The following CA8 variants were observed in gnomAD, a reference collection of about 807,000 sequenced individuals.
CA8 encodes carbonic anhydrase-related protein.
A neutral mutation model predicts 41.4 loss-of-function variants in CA8; 22 were observed. The ratio of observed to expected loss-of-function variants is 0.53; its 90% CI spans 0.38 to 0.76. The LOEUF (loss-of-function observed/expected upper bound fraction) is 0.76, where lower values mean the gene tolerates loss of function less well. Among genes scored for constraint, CA8 ranks in the 30% least tolerant of loss-of-function variants. The pLI is 0.00. For missense variants in CA8, 270 were observed against 352.8 expected, an observed-to-expected ratio of 0.77 and a Z score of 1.88; for synonymous variants, 121 against 130.6, an observed-to-expected ratio of 0.93 and a Z score of 0.50.
In CA8 at chr8:60,245,712, T is replaced by A. The variant is rs115938782; in HGVS notation, c.418-13333A>T. On this transcript the variant is annotated intron_variant, in intron 3 of 8. Coordinates refer to ENST00000317995, the MANE Select transcript of CA8 (RefSeq NM_004056.6). Reference sequence around the variant, plus strand: ...AATGTTGTAACAAGGTAAAGTATCATTTTCTTTGATTGAGGTGGAACTTGT... The same window carrying A: ...AATGTTGTAACAAGGTAAAGTATCAATTTCTTTGATTGAGGTGGAACTTGT... Among the ~76,000 whole-genome samples the A allele has an allele frequency of 3.2e-3, 494 of 152,302 alleles. 1 individual carries two copies. The highest frequency in any genetic ancestry group is 0.012 in the African/African-American group (484 of 41,548).
chr8:60,191,888 T>A (rs1032952333), intron 8 of CA8, among the ~76,000 whole-genome samples: 1 of 152,138 alleles, frequency 6.6e-6, no homozygotes, highest in Non-Finnish European at 1.5e-5. Flanking sequence ...GTGCAACAGA[T>A]GCACATACAT....
chr8:60,223,696 T>C (rs559671848), intron 6 of CA8, among the ~76,000 whole-genome samples: 1 of 152,228 alleles, frequency 6.6e-6, no homozygotes, highest in Non-Finnish European at 1.5e-5. Flanking sequence ...TATGAAATCC[T>C]TTAGCTCTGC....
At chr8:60,193,260 T>C (rs1040765090) in intron 8 of CA8, among the ~76,000 whole-genome samples, 4 of 152,260 alleles carry the variant, frequency 2.6e-5, no homozygotes, top group Admixed American at 1.3e-4. Flanking sequence ...GAAGTGAAGA[T>C]ATATCATGCA....
In CA8 at chr8:60,264,196, C is replaced by T. The variant is rs550441929; in HGVS notation, c.417+1729G>A. On this transcript the variant is annotated intron_variant, in intron 3 of 8. Coordinates refer to ENST00000317995, the MANE Select transcript of CA8 (RefSeq NM_004056.6). ...TCAGTACAGAGCAAAGAGCACAGCT[C>T]GCTAATTACGTTTCCTACAGCTTTT... Among the ~76,000 whole-genome samples the T allele has an allele frequency of 2.1e-4, 32 of 152,328 alleles. No homozygotes were observed. The South Asian group carries it at 3.5e-3, about 17-fold the overall frequency.
At chr8:60,217,215 T>C (rs926242606) in intron 7 of CA8, among the ~76,000 whole-genome samples, 1 of 152,204 alleles carries the variant, frequency 6.6e-6, no homozygotes, top group African/African-American at 2.4e-5. Flanking sequence ...AAAGATCTGA[T>C]CTACTTTTAG....
In CA8 at chr8:60,185,810, G is replaced by A. The variant is rs1218914784; in HGVS notation, c.*4211C>T. ...AAAATATATTAAAAAAAGGACTTCT[G>A]CCTGGAATGAAGTGACCCCAGATAC... On this transcript the variant is annotated 3_prime_UTR_variant, in exon 9 of 9. Transcript: ENST00000317995. 2.0e-5 allele frequency among the ~76,000 whole-genome samples: 3 copies of A among 151,738 alleles called. No homozygotes were observed. Among genetic ancestry groups the A allele is most frequent in the African/African-American group, 7.3e-5 (3 of 41,304 alleles).
At chr8:60,281,009 G>T in intron 1 of CA8, 39 bp downstream of exon 1, 1 of 1,486,146 alleles carries the variant, frequency 6.7e-7, no homozygotes, top group Non-Finnish European at 9.4e-7. Flanking sequence ...CACTGACGCC[G>T]CCGCGGGACC....
intron 2 of CA8, among the ~76,000 whole-genome samples, chr8:60,276,628 G>A (rs915724575): frequency 1.3e-5 from 2 of 152,002 alleles, no homozygotes; most frequent in Non-Finnish European, 2.9e-5. Context: ...GGGGAATGAG[G>A]CATGAGAAAT....
At chr8:60,240,169 G>T (rs773088917) in intron 3 of CA8, among the ~76,000 whole-genome samples, 3 of 152,240 alleles carry the variant, frequency 2.0e-5, no homozygotes, top group African/African-American at 7.2e-5. Flanking sequence ...CTAGAAGACA[G>T]TGTGGGCATC....
intron 8 of CA8, among the ~76,000 whole-genome samples, chr8:60,196,430 C>A (rs1806284467): frequency 6.6e-6 from 1 of 152,084 alleles, no homozygotes; most frequent in African/African-American, 2.4e-5. Context: ...AGTTGTGGAA[C>A]AGCAAATAGA....
intron 3 of CA8, among the ~76,000 whole-genome samples, chr8:60,240,806 C>T (rs2130520256): frequency 6.6e-6 from 1 of 152,210 alleles, no homozygotes; most frequent in African/African-American, 2.4e-5. Context: ...ATCTCACCCA[C>T]CCAGGCTCTG....
chr8:60,271,422 A>T (rs1804069434), intron 2 of CA8, among the ~76,000 whole-genome samples: 1 of 152,184 alleles, frequency 6.6e-6, no homozygotes, highest in Admixed American at 6.5e-5. Context: ...AAAAAGATAG[A>T]GCCTCTTCTT....
At chr8:60,196,914 G>A (rs1806297281) in intron 8 of CA8, among the ~76,000 whole-genome samples, 1 of 152,106 alleles carries the variant, frequency 6.6e-6, no homozygotes, top group African/African-American at 2.4e-5. Flanking sequence ...ACAGATAAAT[G>A]GAACAGAATA....
Position 60,230,908 on chromosome 8 carries a change from A to G in CA8, c.513+1376T>C, listed in dbSNP as rs1430008813. 4.6e-5 allele frequency among the ~76,000 whole-genome samples: 7 copies of G among 152,200 alleles called. 1 individual carries two copies. The highest frequency in any genetic ancestry group is 7.3e-5 in the Non-Finnish European group (5 of 68,040). ...CACCTAATTCCATCCACAAATATTTATTGAGTACCAATTCCAAAGATGAAA... is the reference window on the plus strand; with the variant it reads ...CACCTAATTCCATCCACAAATATTTGTTGAGTACCAATTCCAAAGATGAAA... On this transcript the variant is annotated intron_variant, in intron 4 of 8. Coordinates refer to ENST00000317995, the MANE Select transcript of CA8 (RefSeq NM_004056.6).
chr8:60,264,320 T>C (rs1262609370), intron 3 of CA8, among the ~76,000 whole-genome samples: 2 of 152,218 alleles, frequency 1.3e-5, no homozygotes, highest in African/African-American at 4.8e-5. Flanking sequence ...GTTACTAGAG[T>C]CTGTCTTTGG....
At chr8:60,204,538 A>G (rs1218598046) in intron 8 of CA8, among the ~76,000 whole-genome samples, 2 of 152,242 alleles carry the variant, frequency 1.3e-5, no homozygotes. Flanking sequence ...AAGAGAGCTC[A>G]TACAGCTCTT....
At chr8:60,196,849 A>C (rs1806295620) in intron 8 of CA8, among the ~76,000 whole-genome samples, 1 of 152,204 alleles carries the variant, frequency 6.6e-6, no homozygotes, top group Non-Finnish European at 1.5e-5. Context: ...TTGTCTGGCC[A>C]AACACTGAAA....
intron 7 of CA8, 134 bp from the exon 8 acceptor site, chr8:60,209,053 A>C: frequency 9.8e-7 from 1 of 1,023,382 alleles, no homozygotes; most frequent in East Asian, 2.6e-5. Flanking sequence ...TTAAGCTTCA[A>C]AAAGAAAAAA....
chr8:60,266,902 C>G (rs960004122), intron 2 of CA8, among the ~76,000 whole-genome samples: 3 of 152,214 alleles, frequency 2.0e-5, no homozygotes, highest in Non-Finnish European at 4.4e-5. Context: ...CATTTTTCCT[C>G]TAGCAACTCC....
Sources: gnomAD v4.1 joint callset for allele counts (sites outside exome capture counted in the v4.1 genomes callset) on GRCh38, gnomAD v4.1.1 for gene constraint, MANE v1.5 for transcripts, NCBI Gene and HGNC (gene_info 2026-07-23, HGNC 2026-07-21) for gene names.